Variants in ACTR2 observed in about 807,000 individuals in gnomAD.
The protein encoded by ACTR2 is actin related protein 2.
Under a neutral mutation model 50.2 loss-of-function variants are expected in ACTR2, and 5 were observed. That is an observed-to-expected ratio of 0.10 (90% CI 0.05 to 0.21). The LOEUF (loss-of-function observed/expected upper bound fraction) is 0.21. Among genes scored for constraint, ACTR2 ranks in the 10% least tolerant of loss-of-function variants. The probability of loss-of-function intolerance (pLI) is 1.00; values close to 1 mark genes in which losing one functional copy is unlikely to be tolerated. For synonymous variants in ACTR2, 140 were observed against 162.9 expected (o/e 0.86, Z 1.07); for missense variants, 180 against 480.6 (o/e 0.37, Z 5.85).
intron 1 of ACTR2, among the ~76,000 whole-genome samples, chr2:65,238,216 C>G (rs1052953935): frequency 6.6e-6 from 1 of 152,016 alleles, no homozygotes; most frequent in Non-Finnish European, 1.5e-5. Flanking sequence ...GCTCTTGATT[C>G]TCTCAAGTTT....
At chr2:65,267,923 AC>A (rs1202891148) in intron 8 of ACTR2, among the ~76,000 whole-genome samples, 1 of 108,208 alleles carries the variant, frequency 9.2e-6, no homozygotes, top group East Asian at 3.1e-4. Flanking sequence ...TGCAAGCTCC[AC>A]CTCCCAGGTT....
intron 3 of ACTR2, among the ~76,000 whole-genome samples, chr2:65,250,672 CAAAAAAA>C (rs368589131): frequency 1.2e-5 from 1 of 84,904 alleles, no homozygotes; most frequent in Non-Finnish European, 2.1e-5. Flanking sequence ...GACTTCATCT[CAAAAAAA>C]AAAAAAAAAA....
intron 1 of ACTR2, among the ~76,000 whole-genome samples, chr2:65,239,064 T>C (rs889859794): frequency 6.6e-6 from 1 of 152,384 alleles, no homozygotes; most frequent in Non-Finnish European, 1.5e-5. Flanking sequence ...TTTTGGAAAA[T>C]GACATTCTCT....
chr2:65,254,883 C>T (rs531776105), intron 5 of ACTR2, among the ~76,000 whole-genome samples: 1 of 152,050 alleles, frequency 6.6e-6, no homozygotes, highest in South Asian at 2.1e-4. Context: ...AAATTCAAAG[C>T]GTAACTAACA....
At chr2:65,253,700 T>A (rs749265847) in intron 4 of ACTR2, 28 bp from the exon 5 acceptor site, 1 of 1,601,882 alleles carries the variant, frequency 6.2e-7, no homozygotes, top group Non-Finnish European at 8.5e-7. Context: ...TTTGACTTTT[T>A]ATTTAAATCC....
rs1305239622 is a variant in ACTR2 at position 65,269,387 on chromosome 2, T to G, written c.*653T>G. 3.3e-5 allele frequency: 5 copies of G among 152,200 alleles called. No homozygotes were observed. The highest frequency in any genetic ancestry group is 1.5e-5 in the Non-Finnish European group (1 of 68,038). The allele number at this position is 152,200 out of a possible 1,614,324, so 9.4% of individuals were successfully genotyped here. A position where few individuals can be genotyped will look rare whatever the true frequency, so the allele number is the denominator to read the frequency against. ...TCAACTGGAGTACGTAGAGGAACTT[T>G]ATTTACAGTACTTTGATTTGGCAGG... On this transcript the variant is annotated 3_prime_UTR_variant, in exon 9 of 9. Coordinates refer to ENST00000260641, the MANE Select transcript of ACTR2 (RefSeq NM_005722.4).
In ACTR2 at chr2:65,246,831, A is replaced by G. The variant is rs371186016; in HGVS notation, c.375+92A>G. ...TACTGTTGCTATGGATAAAGAGAAT[A>G]AAAATAATTGTTTTCCTTCAGATCT... On this transcript the variant is annotated intron_variant, in intron 3 of 8. Transcript: ENST00000260641. 24 of 930,956 alleles carry G rather than the reference A, an allele frequency of 2.6e-5. No homozygotes were observed. The African/African-American group carries it at 3.4e-4, about 13-fold the overall frequency. 57.7% of individuals were successfully genotyped at this position (930,956 alleles called of 1,614,324 possible).
chr2:65,246,367 AACTT>A, intron 2 of ACTR2, 153 bp from the exon 3 acceptor site: 1 of 578,358 alleles, frequency 1.7e-6, no homozygotes, highest in East Asian at 3.1e-5. Context: ...TCCATGATTA[AACTT>A]TCTAAGACAT....
intron 1 of ACTR2, among the ~76,000 whole-genome samples, chr2:65,235,882 A>C (rs1475794855): frequency 6.6e-6 from 1 of 152,230 alleles, no homozygotes; most frequent in South Asian, 2.1e-4. Context: ...GCTTGTAAGA[A>C]GACATCTGAA....
At chr2:65,263,861 C>T (rs935836056) in intron 7 of ACTR2, among the ~76,000 whole-genome samples, 3 of 152,114 alleles carry the variant, frequency 2.0e-5, no homozygotes, top group Non-Finnish European at 1.5e-5. Context: ...CAAGACCAGT[C>T]TGGCCAAAAT....
Position 65,261,249 on chromosome 2 carries a change from C to A in ACTR2, c.738C>A (p.Leu246=). ...ACCTGATTATTCTTGGTTTCTAGCT[C>A]CCAGATGGACGTATCATCAAAGTTG... ...ETTVLVESYT[L]PDGRIIKVGG... The change falls in exon 7 of 9, where the codon CTC becomes CTA. Residue 246 remains leucine (L), a splice_region_variant and synonymous_variant. Coordinates refer to ENST00000260641, the MANE Select transcript of ACTR2 (RefSeq NM_005722.4). The A allele has an allele frequency of 1.9e-6, 3 of 1,613,840 alleles. No individual in the cohort carries two copies. The highest frequency in any genetic ancestry group is 1.7e-6 in the Non-Finnish European group (2 of 1,179,964).
intron 3 of ACTR2, among the ~76,000 whole-genome samples, chr2:65,247,978 A>C (rs779679109): frequency 5.3e-5 from 8 of 152,214 alleles, no homozygotes; most frequent in Non-Finnish European, 1.0e-4. Context: ...GGGAGTAGCC[A>C]GTGTAAAGGT....
intron 2 of ACTR2, chr2:65,246,060 TTTCA>T (rs1197885824): frequency 6.5e-6 from 1 of 153,710 alleles, no homozygotes; most frequent in Non-Finnish European, 1.4e-5. Flanking sequence ...TTTTTGCTTC[TTTCA>T]TTATGCTTTA....
chr2:65,249,683 G>C (rs532062285), intron 3 of ACTR2, among the ~76,000 whole-genome samples: 4 of 152,168 alleles, frequency 2.6e-5, no homozygotes, highest in African/African-American at 9.6e-5. Flanking sequence ...GTCAAGGGGT[G>C]CTCAGTCAAG....
chr2:65,258,219 G>C (rs374176485), intron 6 of ACTR2, among the ~76,000 whole-genome samples: 46 of 152,144 alleles, frequency 3.0e-4, no homozygotes, highest in African/African-American at 1.1e-3. Flanking sequence ...AACTAGGAAT[G>C]TAAAACATGT....
At chr2:65,261,102 T>A (rs979457118) in intron 6 of ACTR2, 145 bp from the exon 7 acceptor site, 2 of 758,752 alleles carry the variant, frequency 2.6e-6, no homozygotes, top group Non-Finnish European at 4.1e-6. Flanking sequence ...TTTACCTTTT[T>A]TTCCCCAAAT....
In ACTR2 at chr2:65,268,806, C is replaced by A; in HGVS notation, c.*72C>A. On this transcript the variant is annotated 3_prime_UTR_variant, in exon 9 of 9. Transcript: ENST00000260641. Reference sequence around the variant, plus strand: ...TTTATTGCCAATCTTTGAACTCATTCAACTCCAGGACATGGAAGAGGCCTC... The same window carrying A: ...TTTATTGCCAATCTTTGAACTCATTAAACTCCAGGACATGGAAGAGGCCTC... 1.3e-6 allele frequency: 2 copies of A among 1,499,946 alleles called. No homozygotes were observed. The highest frequency in any genetic ancestry group is 2.3e-5 in the East Asian group (1 of 43,890). 92.9% of individuals were successfully genotyped at this position (1,499,946 alleles called of 1,614,324 possible). A position where few individuals can be genotyped will look rare whatever the true frequency, so the allele number is the denominator to read the frequency against.
chr2:65,240,309 A>G (rs558484874), intron 2 of ACTR2, among the ~76,000 whole-genome samples: 9 of 152,260 alleles, frequency 5.9e-5, no homozygotes, highest in African/African-American at 1.9e-4. Flanking sequence ...TTTCAATTCC[A>G]TATATTTGTC....
intron 3 of ACTR2, 68 bp from the exon 4 acceptor site, chr2:65,250,959 G>T: frequency 8.9e-7 from 1 of 1,124,288 alleles, no homozygotes; most frequent in East Asian, 2.6e-5. Flanking sequence ...CTGTGACCAT[G>T]AGGAAAACAT....
Sources: allele counts gnomAD v4.1 joint callset (sites outside exome capture counted in the v4.1 genomes callset), GRCh38; gene constraint gnomAD v4.1.1; transcripts MANE v1.5; gene names NCBI Gene and HGNC (gene_info 2026-07-23, HGNC 2026-07-21).